The following RBFOX1 variants were observed in gnomAD, a reference collection of about 807,000 sequenced individuals.
RBFOX1 encodes the protein RNA binding protein fox-1 homolog 1.
Under a neutral mutation model 57.7 loss-of-function variants are expected in RBFOX1, and 8 were observed. The ratio of observed to expected loss-of-function variants is 0.14; its 90% CI spans 0.08 to 0.25. The LOEUF (loss-of-function observed/expected upper bound fraction) is 0.25, where lower values mean the gene tolerates loss of function less well. Ranked by LOEUF, RBFOX1 falls within the 10% of genes least tolerant of loss-of-function variation. The pLI, the probability that RBFOX1 is intolerant of heterozygous loss-of-function variation, is 1.00. For synonymous variants in RBFOX1, 326 were observed against 222.4 expected (o/e 1.47, Z -4.15); for missense variants, 611 against 548.5 (o/e 1.11, Z -1.14).
chr16:6,614,526 C>G (rs1331679389), intron 2 of RBFOX1, among the ~76,000 whole-genome samples: 3 of 152,178 alleles, frequency 2.0e-5, no homozygotes, highest in Non-Finnish European at 2.9e-5. Context: ...GCTGCTGTAA[C>G]TGAGTATCAC....
At chr16:7,077,933 T>G (rs1278783571) in intron 4 of RBFOX1, among the ~76,000 whole-genome samples, 3 of 152,180 alleles carry the variant, frequency 2.0e-5, no homozygotes, top group African/African-American at 7.2e-5. Flanking sequence ...TTTGCTCAAC[T>G]CATTAGGCCA....
At position 7,003,271 on chromosome 16, in the gene RBFOX1, C is replaced by T. The variant is rs149346850; in HGVS notation, c.-15-48786C>T. ...GTCAGCAGATCAAGACCATCCTGGC[C>T]AACATGGTGAAACCCCCGTCTCTAC... On this transcript the variant is annotated intron_variant, in intron 3 of 15. Transcript: ENST00000550418. 9.2e-3 allele frequency among the ~76,000 whole-genome samples: 1,403 copies of T among 151,768 alleles called. 12 individuals carry two copies. Among genetic ancestry groups the T allele is most frequent in the Non-Finnish European group, 0.012 (830 of 67,962 alleles).
chr16:7,367,238 A>G (rs2097471302), intron 4 of RBFOX1, among the ~76,000 whole-genome samples: 1 of 152,156 alleles, frequency 6.6e-6, no homozygotes. Flanking sequence ...GAGACTGTAA[A>G]TCAGCACAAA....
At chr16:6,576,714 A>C (rs961622895) in intron 2 of RBFOX1, among the ~76,000 whole-genome samples, 1 of 152,286 alleles carries the variant, frequency 6.6e-6, no homozygotes, top group Non-Finnish European at 1.5e-5. Context: ...ATTTACTAAA[A>C]CAAAAGAGGC....
intron 3 of RBFOX1, among the ~76,000 whole-genome samples, chr16:7,012,200 C>A (rs1024794965): frequency 3.9e-5 from 6 of 152,256 alleles, no homozygotes; most frequent in African/African-American, 1.4e-4. Context: ...GGAGCTCTTG[C>A]GGGTGTTTTT....
intron 2 of RBFOX1, among the ~76,000 whole-genome samples, chr16:6,335,339 C>A (rs2083494403): frequency 6.6e-6 from 1 of 152,110 alleles, no homozygotes. Context: ...CTGCTTTATT[C>A]ATGCATCTCT....
chr16:6,968,320 G>C (rs939602763), intron 3 of RBFOX1, among the ~76,000 whole-genome samples: 6 of 152,220 alleles, frequency 3.9e-5, no homozygotes, highest in African/African-American at 1.4e-4. Context: ...AGCAGCGATG[G>C]AAACAATGCA....
At chr16:6,947,801 G>C (rs1383742367) in intron 3 of RBFOX1, among the ~76,000 whole-genome samples, 1 of 152,044 alleles carries the variant, frequency 6.6e-6, no homozygotes, top group Non-Finnish European at 1.5e-5. Context: ...TTTGGAGATG[G>C]AGTCTTGCTC....
intron 3 of RBFOX1, among the ~76,000 whole-genome samples, chr16:5,853,847 C>G (rs535512974): frequency 1.3e-5 from 2 of 152,172 alleles, no homozygotes; most frequent in Non-Finnish European, 2.9e-5. Context: ...CCTTGAACTC[C>G]TGGCCTCAAG....
chr16:6,316,423 C>G (rs948500411), intron 1 of RBFOX1, among the ~76,000 whole-genome samples: 16 of 152,198 alleles, frequency 1.1e-4, no homozygotes, highest in Non-Finnish European at 1.6e-4. Flanking sequence ...CATAATTCTA[C>G]TCATTGCAAA....
At chr16:6,863,517 T>A (rs1448489110) in intron 3 of RBFOX1, among the ~76,000 whole-genome samples, 1 of 152,040 alleles carries the variant, frequency 6.6e-6, no homozygotes, top group African/African-American at 2.4e-5. Context: ...GAACTGTGTT[T>A]TAATACTAAT....
chr16:5,338,259 T>C (rs1438058451), intron 1 of RBFOX1, among the ~76,000 whole-genome samples: 1 of 152,084 alleles, frequency 6.6e-6, no homozygotes, highest in Non-Finnish European at 1.5e-5. Context: ...ATCTTGGCCA[T>C]AGCTGATTGA....
At chr16:5,268,558 C>A (rs1365341905) in intron 1 of RBFOX1, among the ~76,000 whole-genome samples, 1 of 152,240 alleles carries the variant, frequency 6.6e-6, no homozygotes, top group Non-Finnish European at 1.5e-5. Context: ...ACTTCTTCCT[C>A]CACGATTGGA....
chr16:7,155,764 C>CACAT (rs1220845199), intron 4 of RBFOX1, among the ~76,000 whole-genome samples: 1 of 124,134 alleles, frequency 8.1e-6, no homozygotes, highest in East Asian at 2.3e-4. Flanking sequence ...CACACACACA[C>CACAT]ATATATATAC....
Position 6,855,244 on chromosome 16 carries a change from A to C in RBFOX1, c.-15-196813A>C, listed in dbSNP as rs118175010. Among the ~76,000 whole-genome samples, 319 of 152,168 alleles carry C rather than the reference A, an allele frequency of 2.1e-3. 8 individuals carry two copies. The East Asian group carries it at 0.051, about 24-fold the overall frequency. ...GCATGCAGTGAACATATGCATGAGG[A>C]AGGGAGGGAGGGAGAGGGGGAAGGA... On this transcript the variant is annotated intron_variant, in intron 3 of 15. Transcript: ENST00000550418.
chr16:6,045,743 G>T (rs113779961), intron 1 of RBFOX1, among the ~76,000 whole-genome samples: 1 of 152,202 alleles, frequency 6.6e-6, no homozygotes, highest in African/African-American at 2.4e-5. Flanking sequence ...CAAGTACACT[G>T]TGTTTCCTTA....
chr16:7,599,342 G>C (rs2094883946), intron 9 of RBFOX1, among the ~76,000 whole-genome samples: 1 of 152,246 alleles, frequency 6.6e-6, no homozygotes, highest in Non-Finnish European at 1.5e-5. Flanking sequence ...TGTGTGCTGA[G>C]TGAGAAACTG....
intron 4 of RBFOX1, among the ~76,000 whole-genome samples, chr16:7,468,663 T>G (rs2060974093): frequency 6.6e-6 from 1 of 152,174 alleles, no homozygotes; most frequent in Admixed American, 6.5e-5. Context: ...AGAGGACACA[T>G]GCATGCATAG....
At chr16:6,117,307 T>G (rs1027961505) in intron 1 of RBFOX1, among the ~76,000 whole-genome samples, 3 of 152,226 alleles carry the variant, frequency 2.0e-5, no homozygotes, top group Non-Finnish European at 2.9e-5. Flanking sequence ...GCATGACAAT[T>G]ACCTTTAAAA....
Sources: gnomAD v4.1 joint callset for allele counts (sites outside exome capture counted in the v4.1 genomes callset) on GRCh38, gnomAD v4.1.1 for gene constraint, MANE v1.5 for transcripts, NCBI Gene and HGNC (gene_info 2026-07-23, HGNC 2026-07-21) for gene names.